ADAMTS2: variants seen among roughly 807,000 people sequenced by gnomAD.
The protein encoded by ADAMTS2 is ADAM metallopeptidase with thrombospondin type 1 motif 2.
ADAMTS2 carries 50 observed loss-of-function variants against 123.0 expected under a neutral mutation model. The observed-to-expected ratio is 0.41, with a 90% CI of 0.32 to 0.51. The LOEUF (loss-of-function observed/expected upper bound fraction) is 0.51. ADAMTS2 is among the 20% of genes least tolerant of loss of function. The pLI, the probability that ADAMTS2 is intolerant of heterozygous loss-of-function variation, is 0.35. For synonymous variants in ADAMTS2, 678 were observed against 695.4 expected, an observed-to-expected ratio of 0.98 and a Z score of 0.39; for missense variants, 1,494 against 1,705.2, an observed-to-expected ratio of 0.88 and a Z score of 2.18.
intron 4 of ADAMTS2, among the ~76,000 whole-genome samples, chr5:179,198,185 C>A (rs970506911): frequency 1.3e-5 from 2 of 152,198 alleles, no homozygotes. Flanking sequence ...CTTATCCTCC[C>A]GGCTGGGCCC....
chr5:179,319,228 T>C (rs58747163), intron 2 of ADAMTS2, among the ~76,000 whole-genome samples: 3,316 of 152,334 alleles, frequency 0.022, 117 homozygotes, highest in African/African-American at 0.075. Context: ...GTGCATCTCC[T>C]GTGACACATG....
At chr5:179,209,117 C>T (rs988062450) in intron 3 of ADAMTS2, among the ~76,000 whole-genome samples, 1 of 152,216 alleles carries the variant, frequency 6.6e-6, no homozygotes, top group Non-Finnish European at 1.5e-5. Context: ...CACGGCCACT[C>T]GGACAGTGAG....
chr5:179,321,271 C>A (rs560860644), intron 2 of ADAMTS2, among the ~76,000 whole-genome samples: 1 of 152,164 alleles, frequency 6.6e-6, no homozygotes, highest in African/African-American at 2.4e-5. Flanking sequence ...CAAGCGCACA[C>A]GTAAACACTG....
intron 2 of ADAMTS2, among the ~76,000 whole-genome samples, chr5:179,327,303 G>C (rs1037742252): frequency 6.6e-6 from 1 of 152,082 alleles, no homozygotes; most frequent in Non-Finnish European, 1.5e-5. Context: ...CTCAAAACAG[G>C]GCTCCTCAGT....
chr5:179,151,985 CGT>C (rs1763367410), intron 10 of ADAMTS2, among the ~76,000 whole-genome samples, 155 bp downstream of exon 10: 1 of 152,106 alleles, frequency 6.6e-6, no homozygotes, highest in African/African-American at 2.4e-5. Flanking sequence ...CGGCGTACAG[CGT>C]GTGAGGGGTA....
chr5:179,213,663 G>A (rs1764912129), intron 3 of ADAMTS2, among the ~76,000 whole-genome samples: 1 of 152,164 alleles, frequency 6.6e-6, no homozygotes, highest in Admixed American at 6.5e-5. Context: ...GCATGAGATG[G>A]AACAAAATCC....
In ADAMTS2 at chr5:179,262,168, C is replaced by T. The variant is rs1766245257; in HGVS notation, c.688+10743G>A. On this transcript the variant is annotated intron_variant, in intron 3 of 21. Coordinates refer to ENST00000251582, the MANE Select transcript of ADAMTS2 (RefSeq NM_014244.5). This position sits in a 1 kb window ranked among gnomAD's most constrained non-coding sequence, Gnocchi z 5.9. ...GCCAATTCTGACTCCTGCACGTGGC[C>T]CAGACCACCTAACCTGCCACCCCCA... Among the ~76,000 whole-genome samples the T allele has an allele frequency of 6.6e-6, 1 of 152,058 alleles. No homozygotes were observed. Among genetic ancestry groups the T allele is most frequent in the Non-Finnish European group, 1.5e-5 (1 of 67,990 alleles).
At chr5:179,280,868 C>CT (rs1400434578) in intron 2 of ADAMTS2, among the ~76,000 whole-genome samples, 16 of 148,346 alleles carry the variant, frequency 1.1e-4, no homozygotes, top group Non-Finnish European at 2.0e-4. Context: ...TTTTTTTCTT[C>CT]TTTTTTTGAG....
chr5:179,207,475 T>TCCCCCCCCCCCCCCTCCCCCTCCCCC, intron 4 of ADAMTS2, 38 bp downstream of exon 4: 1 of 588,618 alleles, frequency 1.7e-6, no homozygotes, highest in Non-Finnish European at 3.2e-6. Context: ...TGGTTGACCC[T>TCCCCCCCCCCCCCCTCCCCCTCCCCC]CCCCGCCCCA....
chr5:179,246,064 G>T (rs958647978), intron 3 of ADAMTS2, among the ~76,000 whole-genome samples: 1 of 152,114 alleles, frequency 6.6e-6, no homozygotes, highest in African/African-American at 2.4e-5. Context: ...GCTTAATGAA[G>T]AAAGCAGCTA....
chr5:179,219,769 T>A (rs1765081601), intron 3 of ADAMTS2, among the ~76,000 whole-genome samples: 1 of 151,876 alleles, frequency 6.6e-6, no homozygotes. Context: ...AACTTCCCCC[T>A]CTTCACCCCA....
chr5:179,154,020 C>T (rs753590127), intron 8 of ADAMTS2, 29 bp downstream of exon 8: 17 of 1,583,310 alleles, frequency 1.1e-5, no homozygotes, highest in Middle Eastern at 3.6e-4. Flanking sequence ...ACTGAGGGGT[C>T]GCCCACGGGG....
At chr5:179,182,792 C>T (rs889568494) in intron 4 of ADAMTS2, among the ~76,000 whole-genome samples, 1 of 152,132 alleles carries the variant, frequency 6.6e-6, no homozygotes, top group Non-Finnish European at 1.5e-5. Flanking sequence ...GGCTGGTCAC[C>T]GTGGCTCCGG....
intron 2 of ADAMTS2, among the ~76,000 whole-genome samples, chr5:179,302,735 G>A (rs990610295): frequency 3.9e-5 from 6 of 151,986 alleles, no homozygotes; most frequent in Non-Finnish European, 8.8e-5. Flanking sequence ...AGGGGGGCGG[G>A]GGACTTCCTG....
At chr5:179,255,478 C>T (rs1026350987) in intron 3 of ADAMTS2, among the ~76,000 whole-genome samples, 2 of 152,288 alleles carry the variant, frequency 1.3e-5, no homozygotes, top group African/African-American at 4.8e-5. Flanking sequence ...CTAGGGCTGC[C>T]GATGTGGCCT....
intron 4 of ADAMTS2, among the ~76,000 whole-genome samples, chr5:179,194,575 C>T (rs3822601): frequency 0.24 from 36,965 of 151,980 alleles, 7,452 homozygotes; most frequent in African/African-American, 0.51. Flanking sequence ...GATGAGAACC[C>T]GCGGAGCATG....
intron 3 of ADAMTS2, among the ~76,000 whole-genome samples, chr5:179,243,071 T>C (rs1388614881): frequency 6.6e-6 from 1 of 151,664 alleles, no homozygotes; most frequent in African/African-American, 2.4e-5. Context: ...TCAGTGAAGA[T>C]TCTGGCGGCA....
At chr5:179,200,221 T>C (rs1490439776) in intron 4 of ADAMTS2, among the ~76,000 whole-genome samples, 1 of 149,756 alleles carries the variant, frequency 6.7e-6, no homozygotes, top group African/African-American at 2.5e-5. Flanking sequence ...GAATTCTCTA[T>C]CTCCCCGCCA....
chr5:179,251,745 CGAG>C (rs1483184819), intron 3 of ADAMTS2, among the ~76,000 whole-genome samples: 2 of 152,070 alleles, frequency 1.3e-5, no homozygotes, highest in African/African-American at 4.8e-5. Flanking sequence ...AAATGGCCAT[CGAG>C]GAGAAGCTGG....
Sources: allele counts gnomAD v4.1 joint callset (sites outside exome capture counted in the v4.1 genomes callset), GRCh38; gene constraint gnomAD v4.1.1; non-coding constraint Gnocchi (gnomAD v3.1); transcripts MANE v1.5; gene names NCBI Gene and HGNC (gene_info 2026-07-23, HGNC 2026-07-21).